Variants in CLSTN2 observed in about 807,000 individuals in gnomAD.
CLSTN2 encodes the protein calsyntenin 2, also known as calsyntenin-2.
A neutral mutation model predicts 101.2 loss-of-function variants in CLSTN2; 48 were observed. The ratio of observed to expected loss-of-function variants is 0.47; its 90% CI spans 0.38 to 0.60. The LOEUF (loss-of-function observed/expected upper bound fraction) is 0.60, where lower values mean the gene tolerates loss of function less well. CLSTN2 is among the 20% of genes least tolerant of loss of function. The pLI, the probability that CLSTN2 is intolerant of heterozygous loss-of-function variation, is 0.00. For missense variants in CLSTN2, 1,160 were observed against 1,238.2 expected, an observed-to-expected ratio of 0.94 and a Z score of 0.95; for synonymous variants, 481 against 463.6, an observed-to-expected ratio of 1.04 and a Z score of -0.48.
chr3:140,333,887 T>A (rs1183308146), intron 2 of CLSTN2, among the ~76,000 whole-genome samples: 2 of 152,156 alleles, frequency 1.3e-5, no homozygotes. Flanking sequence ...TATTCAGTCC[T>A]CTGTTGATAC....
At chr3:140,306,277 C>T (rs538623531) in intron 2 of CLSTN2, among the ~76,000 whole-genome samples, 3 of 152,264 alleles carry the variant, frequency 2.0e-5, no homozygotes, top group African/African-American at 7.2e-5. Flanking sequence ...CCCAATGAAT[C>T]GCATGCCATG....
chr3:140,250,487 TA>T (rs1172775591), intron 2 of CLSTN2, among the ~76,000 whole-genome samples: 1 of 152,212 alleles, frequency 6.6e-6, no homozygotes, highest in Non-Finnish European at 1.5e-5. Flanking sequence ...GAAGTTTTCA[TA>T]GGGAAAAATG....
chr3:140,454,708 G>A (rs185773486), intron 6 of CLSTN2: 11 of 152,322 alleles, frequency 7.2e-5, no homozygotes, highest in Non-Finnish European at 1.3e-4. Context: ...TCCCCACTAG[G>A]ATCCAGGAAA....
intron 1 of CLSTN2, among the ~76,000 whole-genome samples, chr3:140,118,588 A>C (rs997208053): frequency 6.6e-6 from 1 of 150,748 alleles, no homozygotes; most frequent in Non-Finnish European, 1.5e-5. Flanking sequence ...GAGCCTGCCT[A>C]ACCTCTCTTG....
chr3:140,360,067 C>A (rs1247345288), intron 2 of CLSTN2, among the ~76,000 whole-genome samples: 1 of 151,716 alleles, frequency 6.6e-6, no homozygotes, highest in Non-Finnish European at 1.5e-5. Context: ...TCTCCCACTC[C>A]CATGCTGGGA....
rs1985260768 is a variant in CLSTN2 at position 140,566,718 on chromosome 3, A to C, written c.*465A>C. 5.2e-6 allele frequency: 1 copy of C among 190,726 alleles called. No individual in the cohort carries two copies. Among genetic ancestry groups the C allele is most frequent in the African/African-American group, 2.3e-5 (1 of 43,988 alleles). The allele number at this position is 190,726 out of a possible 1,614,324, so 11.8% of individuals were successfully genotyped here. ...CATACAAGGAGGGTGGTTGAACTTCACACACGTAAGGTCTTAGTGCTTAAC... is the reference window on the plus strand; with the variant it reads ...CATACAAGGAGGGTGGTTGAACTTCCCACACGTAAGGTCTTAGTGCTTAAC... On this transcript the variant is annotated 3_prime_UTR_variant, in exon 17 of 17. Coordinates refer to ENST00000458420, the MANE Select transcript of CLSTN2 (RefSeq NM_022131.3).
intron 9 of CLSTN2, among the ~76,000 whole-genome samples, chr3:140,542,835 G>A (rs957172610): frequency 2.6e-5 from 4 of 152,176 alleles, no homozygotes; most frequent in African/African-American, 4.8e-5. Flanking sequence ...CAGTTGAAGA[G>A]GGTTAGAAGA....
At chr3:139,966,636 C>T (rs1470107397) in intron 1 of CLSTN2, among the ~76,000 whole-genome samples, 1 of 152,172 alleles carries the variant, frequency 6.6e-6, no homozygotes, top group Non-Finnish European at 1.5e-5. Flanking sequence ...CCATGGTCTC[C>T]TTTGGAGCAT....
At chr3:140,399,320 T>C (rs959207663) in intron 2 of CLSTN2, among the ~76,000 whole-genome samples, 1 of 152,228 alleles carries the variant, frequency 6.6e-6, no homozygotes, top group South Asian at 2.1e-4. Context: ...AAAAAAGTTC[T>C]TGTATAAGAC....
chr3:140,498,144 C>T (rs189973080), intron 8 of CLSTN2, among the ~76,000 whole-genome samples: 246 of 152,348 alleles, frequency 1.6e-3, no homozygotes, highest in African/African-American at 5.7e-3. Context: ...TCCCCCAAGA[C>T]ATTTTCTAAT....
intron 2 of CLSTN2, among the ~76,000 whole-genome samples, chr3:140,250,770 C>A (rs979298577): frequency 6.6e-6 from 1 of 152,096 alleles, no homozygotes; most frequent in East Asian, 1.9e-4. Context: ...TCACTTTTTT[C>A]CCCCAAACTC....
chr3:140,394,674 G>A (rs2088160572), intron 2 of CLSTN2, among the ~76,000 whole-genome samples: 1 of 152,178 alleles, frequency 6.6e-6, no homozygotes, highest in South Asian at 2.1e-4. Flanking sequence ...AAACACGGAG[G>A]TGGTTTCTGA....
chr3:140,176,751 G>A (rs1237122350), intron 2 of CLSTN2, among the ~76,000 whole-genome samples: 2 of 152,236 alleles, frequency 1.3e-5, no homozygotes, highest in African/African-American at 4.8e-5. Flanking sequence ...TCATGGCAGT[G>A]GGAGGAGGGA....
chr3:140,322,979 C>CT (rs1244234041), intron 2 of CLSTN2, among the ~76,000 whole-genome samples: 1 of 152,160 alleles, frequency 6.6e-6, no homozygotes, highest in African/African-American at 2.4e-5. Flanking sequence ...ATCCATGCCG[C>CT]TTTTTTGGGT....
chr3:140,055,891 A>T (rs566909148), intron 1 of CLSTN2, among the ~76,000 whole-genome samples: 2 of 152,322 alleles, frequency 1.3e-5, no homozygotes, highest in South Asian at 2.1e-4. Flanking sequence ...GGAATATAAG[A>T]TGCATCTACA....
intron 1 of CLSTN2, among the ~76,000 whole-genome samples, chr3:139,938,140 CAAA>C (rs66697366): frequency 8.4e-5 from 8 of 94,728 alleles, no homozygotes; most frequent in Admixed American, 2.3e-4. Context: ...ATTCCCATCA[CAAA>C]AAAAAAAAAA....
At chr3:140,442,952 G>A (rs534460068) in intron 5 of CLSTN2, among the ~76,000 whole-genome samples, 1 of 152,354 alleles carries the variant, frequency 6.6e-6, no homozygotes, top group South Asian at 2.1e-4. Flanking sequence ...TCCAGTAGGA[G>A]GGGAAGACCC....
intron 4 of CLSTN2, among the ~76,000 whole-genome samples, chr3:140,411,216 A>G (rs1335278762): frequency 6.6e-6 from 1 of 152,244 alleles, no homozygotes; most frequent in Non-Finnish European, 1.5e-5. Flanking sequence ...AAATAATAAA[A>G]GTGAAGGTAC....
At chr3:140,168,123 T>C (rs571490705) in intron 1 of CLSTN2, among the ~76,000 whole-genome samples, 1 of 152,334 alleles carries the variant, frequency 6.6e-6, no homozygotes, top group Admixed American at 6.5e-5. Flanking sequence ...GCAAAGTGAC[T>C]GTATTAGTCT....
Sources: allele counts gnomAD v4.1 joint callset (sites outside exome capture counted in the v4.1 genomes callset), GRCh38; gene constraint gnomAD v4.1.1; transcripts MANE v1.5; gene names NCBI Gene and HGNC (gene_info 2026-07-23, HGNC 2026-07-21).